HECW1: variants seen among roughly 807,000 people sequenced by gnomAD.
HECW1 encodes HECT, C2 and WW domain containing E3 ubiquitin protein ligase 1.
A neutral mutation model predicts 182.3 loss-of-function variants in HECW1; 61 were observed. The observed-to-expected ratio is 0.33, with a 90% CI of 0.27 to 0.41. HECW1 has a LOEUF of 0.41. Among genes scored for constraint, HECW1 ranks in the 10% least tolerant of loss-of-function variants. The pLI is 1.00. For missense variants in HECW1, 1,739 were observed against 2,108.9 expected, an observed-to-expected ratio of 0.82 and a Z score of 3.44; for synonymous variants, 859 against 832.6, an observed-to-expected ratio of 1.03 and a Z score of -0.55.
intron 24 of HECW1, chr7:43,510,929 C>T (rs1002011128): frequency 6.6e-6 from 1 of 152,254 alleles, no homozygotes; most frequent in Non-Finnish European, 1.5e-5. Context: ...AAGTGGCCTC[C>T]GTCACTTTCC....
intron 24 of HECW1, among the ~76,000 whole-genome samples, chr7:43,526,388 AG>A (rs11337179): frequency 0.02 from 3,049 of 152,326 alleles, 102 homozygotes; most frequent in Admixed American, 0.073. Flanking sequence ...GTATTCCAGC[AG>A]TTAGCACAGT....
At chr7:43,273,450 T>A (rs887817551) in intron 3 of HECW1, among the ~76,000 whole-genome samples, 2 of 151,934 alleles carry the variant, frequency 1.3e-5, no homozygotes, top group Non-Finnish European at 2.9e-5. Context: ...TAAATAATAG[T>A]GATAGAATAA....
intron 2 of HECW1, among the ~76,000 whole-genome samples, chr7:43,124,794 G>A (rs1334273098): frequency 6.6e-6 from 1 of 152,130 alleles, no homozygotes. Flanking sequence ...CAAACCAAAA[G>A]ATTGTGTTTT....
chr7:43,278,440 G>A (rs540531432), intron 3 of HECW1, among the ~76,000 whole-genome samples: 8 of 152,064 alleles, frequency 5.3e-5, no homozygotes, highest in South Asian at 2.1e-4. Context: ...TCACTGCAGC[G>A]GCTTCCCACC....
At chr7:43,315,616 C>T (rs1010215698) in intron 4 of HECW1, among the ~76,000 whole-genome samples, 5 of 152,114 alleles carry the variant, frequency 3.3e-5, no homozygotes, top group African/African-American at 9.7e-5. Flanking sequence ...GATTCAGCCT[C>T]TCAAGTAGCT....
At chr7:43,235,970 C>T (rs1798296975) in intron 2 of HECW1, among the ~76,000 whole-genome samples, 1 of 151,810 alleles carries the variant, frequency 6.6e-6, no homozygotes, top group Admixed American at 6.5e-5. Flanking sequence ...GGGAGGATCA[C>T]TTGAGCCCAG....
intron 6 of HECW1, among the ~76,000 whole-genome samples, chr7:43,376,966 G>C (rs200090612): frequency 5.5e-5 from 8 of 145,186 alleles, no homozygotes; most frequent in Non-Finnish European, 1.1e-4. Context: ...GAAAAAAAAA[G>C]ACTTTTCTTC....
At chr7:43,335,920 TCTC>T (rs1457764355) in intron 5 of HECW1, among the ~76,000 whole-genome samples, 8 of 151,224 alleles carry the variant, frequency 5.3e-5, no homozygotes, top group East Asian at 1.9e-4. Flanking sequence ...TCTCTTTCTC[TCTC>T]CTTTCTTTCT....
At position 43,311,762 on chromosome 7, in the gene HECW1, G is replaced by A. The variant is rs1317008042; in HGVS notation, c.28-1G>A. ...TGCTCACTGTCTCTTTGCTCCCACAGAATCTGTACCAGAACAGGTTTTTAG... is the reference window on the plus strand; with the variant it reads ...TGCTCACTGTCTCTTTGCTCCCACAAAATCTGTACCAGAACAGGTTTTTAG... On this transcript the variant is annotated splice_acceptor_variant, in intron 3 of 29. Transcript: ENST00000395891. LOFTEE classifies it high-confidence loss of function. The A allele has an allele frequency of 6.2e-7, 1 of 1,613,834 alleles. No individual in the cohort carries two copies.
chr7:43,485,039 C>A (rs1000867045), intron 17 of HECW1, among the ~76,000 whole-genome samples: 4 of 152,148 alleles, frequency 2.6e-5, no homozygotes, highest in Non-Finnish European at 5.9e-5. Context: ...ATTTTCATTT[C>A]TTTTGCCATC....
rs1394307873 is a variant in HECW1 at position 43,507,990 on chromosome 7, A to G, written c.3753-28A>G. 3.2e-6 allele frequency: 5 copies of G among 1,541,532 alleles called. No individual in the cohort carries two copies. The Admixed American group carries it at 6.7e-5, about 21-fold the overall frequency. ...TGTCCAGCATCCTGACTTCAGGGCCACTGCTCACCACCCCTTCTCCTTCTC... is the reference window on the plus strand; with the variant it reads ...TGTCCAGCATCCTGACTTCAGGGCCGCTGCTCACCACCCCTTCTCCTTCTC... On this transcript the variant is annotated intron_variant, in intron 22 of 29. Coordinates refer to ENST00000395891, the MANE Select transcript of HECW1 (RefSeq NM_015052.5).
chr7:43,188,034 G>A (rs112760529), intron 2 of HECW1, among the ~76,000 whole-genome samples: 4,578 of 152,220 alleles, frequency 0.03, 213 homozygotes, highest in African/African-American at 0.1. Context: ...ACTAATTCCA[G>A]CACAAACATA....
chr7:43,234,055 C>A (rs74914304), intron 2 of HECW1, among the ~76,000 whole-genome samples: 5,662 of 152,276 alleles, frequency 0.037, 354 homozygotes, highest in African/African-American at 0.13. Flanking sequence ...GCAAGAGCAG[C>A]GTGCAATATA....
At chr7:43,517,567 C>T (rs147778361) in intron 24 of HECW1, among the ~76,000 whole-genome samples, 2 of 152,294 alleles carry the variant, frequency 1.3e-5, no homozygotes, top group East Asian at 3.9e-4. Flanking sequence ...TCCCTTGCTA[C>T]ATCTGCAGAG....
At chr7:43,414,770 G>A (rs942466636) in intron 8 of HECW1, among the ~76,000 whole-genome samples, 15 of 150,694 alleles carry the variant, frequency 1.0e-4, no homozygotes, top group South Asian at 4.3e-4. Context: ...ATTGATTTGC[G>A]TATATTGAAC....
chr7:43,173,423 T>C (rs56189247), intron 2 of HECW1, among the ~76,000 whole-genome samples: 8,238 of 152,228 alleles, frequency 0.054, 327 homozygotes, highest in African/African-American at 0.099. Flanking sequence ...AGGAAAGCCA[T>C]CTGATTAAAT....
intron 2 of HECW1, among the ~76,000 whole-genome samples, chr7:43,185,420 T>C (rs35643419): frequency 0.23 from 34,323 of 152,098 alleles, 4,093 homozygotes; most frequent in Non-Finnish European, 0.25. Context: ...GTCTCAATTA[T>C]AGGTGACAGC....
intron 2 of HECW1, among the ~76,000 whole-genome samples, chr7:43,129,736 A>G (rs1008849115): frequency 1.5e-4 from 23 of 152,238 alleles, no homozygotes; most frequent in African/African-American, 5.5e-4. Context: ...GTCCCTTGGT[A>G]TCCATGGGGG....
intron 13 of HECW1, 81 bp downstream of exon 13, chr7:43,456,528 T>C: frequency 7.1e-7 from 1 of 1,407,850 alleles, no homozygotes; most frequent in South Asian, 1.4e-5. Flanking sequence ...CTTACACTTT[T>C]CTGCTCAGAC....
Sources: gnomAD v4.1 joint callset for allele counts (sites outside exome capture counted in the v4.1 genomes callset) on GRCh38, gnomAD v4.1.1 for gene constraint, MANE v1.5 for transcripts, NCBI Gene and HGNC (gene_info 2026-07-23, HGNC 2026-07-21) for gene names.